Variants in SPATA22 observed in about 807,000 individuals in gnomAD.
SPATA22 encodes the protein spermatogenesis associated 22, also known as spermatogenesis-associated protein 22.
In SPATA22, 29 loss-of-function variants were observed where a neutral mutation model predicts 47.8. That is an observed-to-expected ratio of 0.61 (90% CI 0.45 to 0.83). The LOEUF is 0.83. SPATA22 is among the 40% of genes least tolerant of loss of function. The pLI is 0.00. For missense variants in SPATA22, 410 were observed against 421.7 expected (o/e 0.97, Z 0.24); for synonymous variants, 133 against 140.9 (o/e 0.94, Z 0.40).
At chr17:3,505,094 C>T (rs1301495574) in intron 1 of SPATA22, among the ~76,000 whole-genome samples, 1 of 25,554 alleles carries the variant, frequency 3.9e-5, no homozygotes, top group Non-Finnish European at 3.6e-4. Context: ...CCTTTGCCCA[C>T]ATTTTCCCAC....
At chr17:3,440,506 T>C (rs2072575472) in intron 8 of SPATA22, 168 bp from the exon 9 acceptor site, 1 of 494,948 alleles carries the variant, frequency 2.0e-6, no homozygotes, top group Non-Finnish European at 3.5e-6. Context: ...ATTCACATAT[T>C]GGTACCCTGT....
At position 3,490,418 on chromosome 17, in the gene SPATA22, A is replaced by G. The variant is rs1364266897; in HGVS notation, c.-73-21020T>C. 1.3e-5 allele frequency among the ~76,000 whole-genome samples: 2 copies of G among 152,222 alleles called. No homozygotes were observed. The highest frequency in any genetic ancestry group is 6.5e-5 in the Admixed American group (1 of 15,284). ...TTGCTTAAAATCAAAGAGACATTCT[A>G]TGTAAACAATTATTCCAACAGACTG... On this transcript the variant is annotated intron_variant, in intron 1 of 8. Coordinates refer to the SPATA22 transcript ENST00000541913. The surrounding 1 kb of genome is among the most constrained non-coding windows in gnomAD (Gnocchi z 4.6).
At chr17:3,489,886 T>C (rs1465024890) in intron 1 of SPATA22, among the ~76,000 whole-genome samples, 1 of 152,170 alleles carries the variant, frequency 6.6e-6, no homozygotes, top group Admixed American at 6.5e-5. Context: ...ACAAGCAACA[T>C]GTTGTTTACA....
intron 1 of SPATA22, chr17:3,483,663 T>C: frequency 7.1e-7 from 1 of 1,414,022 alleles, no homozygotes; most frequent in African/African-American, 1.4e-5. Context: ...AATTTATTTT[T>C]TATCTTATTT....
rs1172155776 is a variant in SPATA22 at position 3,485,958 on chromosome 17, G to C, written c.-73-16560C>G. Among the ~76,000 whole-genome samples, 1 of 149,344 alleles carries C rather than the reference G, an allele frequency of 6.7e-6. No homozygotes were observed. The highest frequency in any genetic ancestry group is 2.5e-5 in the African/African-American group (1 of 40,568). On this transcript the variant is annotated intron_variant, in intron 1 of 8. Transcript: ENST00000541913. The surrounding 1 kb of genome is among the most constrained non-coding windows in gnomAD (Gnocchi z 4.4). ...CCTTTTTTTTTTTTTTTGAGACGGA[G>C]TTTCGCTCTTGTTGCCAAGGCTGGA...
intron 1 of SPATA22, chr17:3,499,842 A>G (rs1263617479): frequency 6.6e-6 from 1 of 152,202 alleles, no homozygotes; most frequent in Non-Finnish European, 1.5e-5. Flanking sequence ...AAAGGGTCAT[A>G]CTTCTAGAAA....
chr17:3,489,271 G>A lies in SPATA22; in HGVS notation c.-73-19873C>T, dbSNP rs1272903968. The A allele has an allele frequency of 3.7e-6, 6 of 1,613,014 alleles. No individual in the cohort carries two copies. The African/African-American group carries it at 6.7e-5, about 18-fold the overall frequency. The stretch of plus-strand genomic sequence containing the variant: ...GGTCCTCAGCCTCAAGGGGTTCTGA[G>A]AGCTGATATCTTGGATCAAATGAGA... On this transcript the variant is annotated intron_variant, in intron 1 of 8. Coordinates refer to the SPATA22 transcript ENST00000541913.
intron 1 of SPATA22, chr17:3,471,340 TCAAA>T (rs1211096766): frequency 2.5e-6 from 2 of 800,514 alleles, no homozygotes; most frequent in Non-Finnish European, 1.5e-6. Context: ...TTTCTCAGGA[TCAAA>T]CAAACAGAAT....
At chr17:3,455,442 G>A (rs2072965894) in intron 5 of SPATA22, among the ~76,000 whole-genome samples, 1 of 149,720 alleles carries the variant, frequency 6.7e-6, no homozygotes, top group Non-Finnish European at 1.5e-5. Flanking sequence ...TAATGTTTAA[G>A]TCTTTAATCC....
intron 1 of SPATA22, among the ~76,000 whole-genome samples, chr17:3,507,395 TCTTA>T (rs1052029553): frequency 1.3e-5 from 2 of 152,348 alleles, no homozygotes; most frequent in East Asian, 1.9e-4. Flanking sequence ...GAAGAAACTG[TCTTA>T]CTTATATTTG....
At chr17:3,466,768 G>A (rs1056064062) in intron 3 of SPATA22, among the ~76,000 whole-genome samples, 4 of 152,162 alleles carry the variant, frequency 2.6e-5, no homozygotes, top group Admixed American at 6.5e-5. Context: ...ACAGAAGGAC[G>A]GAAAAGCTCC....
At chr17:3,446,976 ATT>A (rs909650315) in intron 6 of SPATA22, among the ~76,000 whole-genome samples, 37 of 152,268 alleles carry the variant, frequency 2.4e-4, no homozygotes, top group African/African-American at 8.9e-4. Context: ...TCATTCATTC[ATT>A]CGTTTCAAAA....
chr17:3,465,230 G>A (rs2073269475), intron 3 of SPATA22, among the ~76,000 whole-genome samples: 2 of 143,404 alleles, frequency 1.4e-5, no homozygotes, highest in African/African-American at 2.6e-5. Flanking sequence ...CGCCCCTACT[G>A]GGAAGTGAGG....
In SPATA22 at chr17:3,490,937, A is replaced by G. The variant is rs1471106960; in HGVS notation, c.-73-21539T>C. ...TTTAAGCAAAGGATTCGGCAAATCAAAAATTGTCAACCACGATTAATTTAG... is the reference window on the plus strand; with the variant it reads ...TTTAAGCAAAGGATTCGGCAAATCAGAAATTGTCAACCACGATTAATTTAG... On this transcript the variant is annotated intron_variant, in intron 1 of 8. Transcript: ENST00000541913. This position sits in a 1 kb window ranked among gnomAD's most constrained non-coding sequence, Gnocchi z 4.6. 6.6e-6 allele frequency among the ~76,000 whole-genome samples: 1 copy of G among 152,208 alleles called. No individual in the cohort carries two copies. Among genetic ancestry groups the G allele is most frequent in the Non-Finnish European group, 1.5e-5 (1 of 68,038 alleles).
At chr17:3,469,239 T>C in intron 2 of SPATA22, 44 bp downstream of exon 2, 1 of 875,724 alleles carries the variant, frequency 1.1e-6, no homozygotes, top group Non-Finnish European at 1.8e-6. Context: ...ATACAAGCTT[T>C]ATATGCTATA....
At chr17:3,509,900 A>T (rs1205014984) in intron 1 of SPATA22, among the ~76,000 whole-genome samples, 1 of 152,014 alleles carries the variant, frequency 6.6e-6, no homozygotes, top group African/African-American at 2.4e-5. Context: ...TTTGATTTGC[A>T]TTTCTCTAAT....
In SPATA22 at chr17:3,488,700, G is replaced by C. The variant is rs1265023605; in HGVS notation, c.-73-19302C>G. Among the ~76,000 whole-genome samples the C allele has an allele frequency of 6.6e-6, 1 of 152,106 alleles. No homozygotes were observed. The highest frequency in any genetic ancestry group is 1.5e-5 in the Non-Finnish European group (1 of 68,012). ...ATAAAACCATTGCACTATTGTGTTA[G>C]GATGGATTGCTAGGTTAAGGGCAAA... On this transcript the variant is annotated intron_variant, in intron 1 of 8. Transcript: ENST00000541913. The surrounding 1 kb of genome is among the most constrained non-coding windows in gnomAD (Gnocchi z 6.1).
chr17:3,512,205 T>C (rs2074121743), intron 1 of SPATA22: 1 of 152,288 alleles, frequency 6.6e-6, no homozygotes, highest in Non-Finnish European at 1.5e-5. Flanking sequence ...TCTAGGACAG[T>C]TCTCCTCAAA....
At chr17:3,459,655 G>C (rs1005131050) in intron 5 of SPATA22, among the ~76,000 whole-genome samples, 1 of 152,086 alleles carries the variant, frequency 6.6e-6, no homozygotes, top group African/African-American at 2.4e-5. Context: ...TGATCCGCCC[G>C]CCTCCGCCTC....
Sources: gnomAD v4.1 joint callset for allele counts (sites outside exome capture counted in the v4.1 genomes callset) on GRCh38, gnomAD v4.1.1 for gene constraint, Gnocchi (gnomAD v3.1) non-coding constraint, MANE v1.5 for transcripts, NCBI Gene and HGNC (gene_info 2026-07-23, HGNC 2026-07-21) for gene names.